ZNF366: variants seen among roughly 807,000 people sequenced by gnomAD.
ZNF366 encodes the protein zinc finger protein 366.
ZNF366 carries 20 observed loss-of-function variants against 47.2 expected under a neutral mutation model. That is an observed-to-expected ratio of 0.42 (90% CI 0.30 to 0.62). The LOEUF (loss-of-function observed/expected upper bound fraction) is 0.62, where lower values mean the gene tolerates loss of function less well. Among genes scored for constraint, ZNF366 ranks in the 20% least tolerant of loss-of-function variants. The probability of loss-of-function intolerance (pLI) is 0.16; values close to 1 mark genes in which losing one functional copy is unlikely to be tolerated. For synonymous variants in ZNF366, 421 were observed against 395.1 expected (o/e 1.07, Z -0.78); for missense variants, 987 against 976.3 (o/e 1.01, Z -0.15).
chr5:72,495,750 A>T (rs1414692474), intron 1 of ZNF366, among the ~76,000 whole-genome samples: 1 of 152,182 alleles, frequency 6.6e-6, no homozygotes, highest in East Asian at 1.9e-4. Flanking sequence ...GATCAACTTT[A>T]CTTTACAGAT....
intron 3 of ZNF366, among the ~76,000 whole-genome samples, chr5:72,451,440 A>G (rs927380859): frequency 2.6e-5 from 4 of 152,244 alleles, no homozygotes; most frequent in African/African-American, 4.8e-5. Flanking sequence ...TAGACACAGA[A>G]GGACAGAGAG....
At chr5:72,491,953 G>T (rs1744018942) in intron 1 of ZNF366, among the ~76,000 whole-genome samples, 1 of 152,220 alleles carries the variant, frequency 6.6e-6, no homozygotes, top group Admixed American at 6.5e-5. Flanking sequence ...CCCTGGGATG[G>T]TGGTGGTGGA....
intron 1 of ZNF366, among the ~76,000 whole-genome samples, chr5:72,482,773 T>TGC (rs1743815302): frequency 1.3e-5 from 2 of 151,682 alleles, no homozygotes; most frequent in South Asian, 2.1e-4. Flanking sequence ...TGTGTGTGTG[T>TGC]GTGTGTGTGT....
intron 1 of ZNF366, among the ~76,000 whole-genome samples, chr5:72,481,540 A>G (rs1235657775): frequency 1.3e-5 from 2 of 152,236 alleles, no homozygotes. Context: ...TAGATTCTCT[A>G]GAAATAGAAT....
chr5:72,455,045 A>G (rs935144709), intron 3 of ZNF366, among the ~76,000 whole-genome samples: 1 of 152,200 alleles, frequency 6.6e-6, no homozygotes, highest in African/African-American at 2.4e-5. Context: ...GTCCTGAAAA[A>G]TATGTGGCCT....
intron 1 of ZNF366, among the ~76,000 whole-genome samples, chr5:72,470,908 G>A (rs992644382): frequency 6.6e-6 from 1 of 152,206 alleles, no homozygotes; most frequent in Non-Finnish European, 1.5e-5. Flanking sequence ...TGAGTGGCAT[G>A]TTCCTTTGAT....
At chr5:72,504,023 CAA>C (rs1744266995) in intron 1 of ZNF366, among the ~76,000 whole-genome samples, 2 of 152,082 alleles carry the variant, frequency 1.3e-5, no homozygotes, top group Non-Finnish European at 2.9e-5. Context: ...GCAGTTGGAT[CAA>C]TCAGGCACCA....
At chr5:72,448,659 T>C (rs922165435) in intron 3 of ZNF366, among the ~76,000 whole-genome samples, 6 of 152,192 alleles carry the variant, frequency 3.9e-5, no homozygotes, top group Non-Finnish European at 5.9e-5. Flanking sequence ...TGAGGCATCC[T>C]CTGAGGCTTA....
intron 1 of ZNF366, among the ~76,000 whole-genome samples, chr5:72,477,720 C>G (rs1252027695): frequency 6.6e-6 from 1 of 152,110 alleles, no homozygotes; most frequent in South Asian, 2.1e-4. Flanking sequence ...GGTCACATAA[C>G]CTGGAAGTAA....
In ZNF366 at chr5:72,489,356, T is replaced by C. The variant is rs142989407; in HGVS notation, c.-15+17895A>G. 2.6e-3 allele frequency among the ~76,000 whole-genome samples: 402 copies of C among 152,364 alleles called. 4 individuals carry two copies. Among genetic ancestry groups the C allele is most frequent in the African/African-American group, 9.1e-3 (379 of 41,588 alleles). ...GGTAAGATGACCTGGATTTATATAG[T>C]GGATATGTAATACAAGTAAGGCATA... On this transcript the variant is annotated intron_variant, in intron 1 of 4. Coordinates refer to ENST00000318442, the MANE Select transcript of ZNF366 (RefSeq NM_152625.3).
intron 1 of ZNF366, among the ~76,000 whole-genome samples, chr5:72,484,886 T>C (rs1278678239): frequency 1.3e-5 from 2 of 152,212 alleles, no homozygotes; most frequent in Non-Finnish European, 2.9e-5. Context: ...TGCAAGAGGC[T>C]CTATTTAAGT....
chr5:72,503,121 T>C (rs1744243112), intron 1 of ZNF366, among the ~76,000 whole-genome samples: 1 of 151,862 alleles, frequency 6.6e-6, no homozygotes, highest in African/African-American at 2.4e-5. Context: ...CCTGACTCTG[T>C]CTCAAAAAAA....
chr5:72,446,176 G>T (rs1742953305), intron 4 of ZNF366, among the ~76,000 whole-genome samples: 1 of 152,196 alleles, frequency 6.6e-6, no homozygotes, highest in South Asian at 2.1e-4. Flanking sequence ...CTTCAGACTT[G>T]CTGTTTGACC....
At chr5:72,454,215 T>C (rs1307586390) in intron 3 of ZNF366, among the ~76,000 whole-genome samples, 1 of 152,208 alleles carries the variant, frequency 6.6e-6, no homozygotes, top group Non-Finnish European at 1.5e-5. Flanking sequence ...TTGGACCATG[T>C]ACATGCACCA....
chr5:72,457,748 T>C (rs2112325059), intron 2 of ZNF366, among the ~76,000 whole-genome samples: 1 of 152,312 alleles, frequency 6.6e-6, no homozygotes, highest in South Asian at 2.1e-4. Flanking sequence ...TGAAGGCTTC[T>C]CATCACAAGA....
chr5:72,460,198 C>A lies in ZNF366; in HGVS notation c.1299G>T (p.Pro433=). 1 of 1,614,182 alleles carries A rather than the reference C, an allele frequency of 6.2e-7. No individual in the cohort carries two copies. The highest frequency in any genetic ancestry group is 8.5e-7 in the Non-Finnish European group (1 of 1,180,020). ...CSECGMEFVQ[P]HHLKQHSLTH... ...TGAGGGAGTGCTGCTTGAGGTGGTG[C>A]GGCTGCACAAACTCCATGCCACACT... The change falls in exon 2 of 5, where the codon CCG becomes CCT. Residue 433 remains proline (P), a synonymous_variant. Transcript: ENST00000318442.
chr5:72,474,100 AT>A (rs1436595210), intron 1 of ZNF366, among the ~76,000 whole-genome samples: 1 of 152,218 alleles, frequency 6.6e-6, no homozygotes, highest in Non-Finnish European at 1.5e-5. Context: ...ATTATGGCTT[AT>A]TTATTGCTGT....
chr5:72,496,792 A>G (rs1287784660), intron 1 of ZNF366, among the ~76,000 whole-genome samples: 2 of 152,174 alleles, frequency 1.3e-5, no homozygotes, highest in Non-Finnish European at 2.9e-5. Context: ...GTCCTTACCA[A>G]TACTTCATAT....
In ZNF366 at chr5:72,447,294, G is replaced by T; in HGVS notation, c.1648C>A (p.Arg550Ser). The change falls in exon 4 of 5, where the codon CGC becomes AGC. Residue 550 changes from arginine to serine, a missense_variant. This residue lies in a region of ZNF366 where 111 missense variants were observed against 180.5 expected (regional missense o/e 0.61). Coordinates refer to ENST00000318442, the MANE Select transcript of ZNF366 (RefSeq NM_152625.3). ...SKFTLKGNLT[R>S]HMKVKHGVME... ...ACTCCATGCTTGACTTTCATGTGGC[G>T]TGTCAGGTTCCCCTTCAGGGTGAAT... 6.2e-7 allele frequency: 1 copy of T among 1,614,188 alleles called. No individual in the cohort carries two copies. The highest frequency in any genetic ancestry group is 8.5e-7 in the Non-Finnish European group (1 of 1,180,032).
Sources: allele counts gnomAD v4.1 joint callset (sites outside exome capture counted in the v4.1 genomes callset), GRCh38; gene constraint gnomAD v4.1.1; regional missense constraint gnomAD v4.1.1; transcripts MANE v1.5; gene names NCBI Gene and HGNC (gene_info 2026-07-23, HGNC 2026-07-21).